ZC3H12D: variants seen among roughly 807,000 people sequenced by gnomAD.
ZC3H12D encodes the protein probable ribonuclease ZC3H12D.
Under a neutral mutation model 24.2 loss-of-function variants are expected in ZC3H12D, and 11 were observed. That is an observed-to-expected ratio of 0.46 (90% CI 0.29 to 0.75). The LOEUF is 0.75. Among genes scored for constraint, ZC3H12D ranks in the 30% least tolerant of loss-of-function variants. ZC3H12D has a pLI of 0.11. For synonymous variants in ZC3H12D, 333 were observed against 341.8 expected (o/e 0.97, Z 0.28); for missense variants, 740 against 767.7 (o/e 0.96, Z 0.43).
rs1189920889 is a variant in ZC3H12D at position 149,458,128 on chromosome 6, C to CTTTTTTTTTTTTTTTTTTTTTTTTTTTT, written c.446-1229_446-1228insAAAAAAAAAAAAAAAAAAAAAAAAAAAA. Among the ~76,000 whole-genome samples the CTTTTTTTTTTTTTTTTTTTTTTTTTTTT allele has an allele frequency of 6.0e-4, 24 of 39,752 alleles. 2 individuals carry two copies. The highest frequency in any genetic ancestry group is 1.5e-3 in the East Asian group (2 of 1,314). 26.1% of individuals were successfully genotyped at this position (39,752 alleles called of 152,430 possible). ...TTCTTTTTCTTTTTTTTTTTCGTTT[C>CTTTTTTTTTTTTTTTTTTTTTTTTTTTT]TTTTTTTTTTTTTTTTTTTTTTTTT... On this transcript the variant is annotated intron_variant, in intron 3 of 5. Transcript: ENST00000409806.
At chr6:149,458,562 A>T (rs1172964335) in intron 3 of ZC3H12D, among the ~76,000 whole-genome samples, 1 of 152,172 alleles carries the variant, frequency 6.6e-6, no homozygotes, top group Non-Finnish European at 1.5e-5. Flanking sequence ...CCATATGTTC[A>T]TCACTATTAG....
rs1392093696 is a variant in ZC3H12D, at chr6:149,451,423, G to C, written c.844C>G (p.His282Asp). ...TCGTCGGCCACCGCCAGTTGCGCGTGGTGCGGCCTCTCCGGGTGGTAGAAC... is the reference window on the plus strand; with the variant it reads ...TCGTCGGCCACCGCCAGTTGCGCGTCGTGCGGCCTCTCCGGGTGGTAGAAC... ...CKFYHPERPH[H>D]AQLAVADELR... is the part of the protein sequence containing the mutation. The change falls in exon 6 of 6, where the codon CAC becomes GAC. Residue 282 changes from histidine to aspartate, a missense_variant. By Grantham distance (81) the His-to-Asp change is moderately conservative. Coordinates refer to ENST00000409806, the MANE Select transcript of ZC3H12D (RefSeq NM_207360.3). 4 of 1,574,826 alleles carry C rather than the reference G, an allele frequency of 2.5e-6. No homozygotes were observed. The highest frequency in any genetic ancestry group is 3.4e-6 in the Non-Finnish European group (4 of 1,170,276).
chr6:149,465,657 A>G (rs1776146469), intron 2 of ZC3H12D, among the ~76,000 whole-genome samples: 1 of 151,120 alleles, frequency 6.6e-6, no homozygotes, highest in African/African-American at 2.4e-5. Context: ...CGGGAGGCTG[A>G]GGCAGGAGAA....
intron 3 of ZC3H12D, among the ~76,000 whole-genome samples, chr6:149,457,758 T>C (rs1776007088): frequency 6.6e-6 from 1 of 152,120 alleles, no homozygotes; most frequent in Non-Finnish European, 1.5e-5. Flanking sequence ...TTGATCTGGA[T>C]TTTGCCTTTG....
In ZC3H12D at chr6:149,450,465, G is replaced by A. The variant is rs903995405; in HGVS notation, c.*218C>T. Reference sequence around the variant, plus strand: ...ATCATTCCCTCCACGGAAGTGGGTGGACCTCCCCGCAGCAGGCCCCGGCCT... The same window carrying A: ...ATCATTCCCTCCACGGAAGTGGGTGAACCTCCCCGCAGCAGGCCCCGGCCT... On this transcript the variant is annotated 3_prime_UTR_variant, in exon 6 of 6. Transcript: ENST00000409806. The A allele has an allele frequency of 2.4e-5, 13 of 531,920 alleles. No homozygotes were observed. Among genetic ancestry groups the A allele is most frequent in the East Asian group, 1.3e-4 (4 of 31,830 alleles). The allele number at this position is 531,920 out of a possible 1,614,324, so 33.0% of individuals were successfully genotyped here.
chr6:149,483,967 A>AC (rs1776463235), intron 1 of ZC3H12D, among the ~76,000 whole-genome samples: 1 of 152,182 alleles, frequency 6.6e-6, no homozygotes, highest in African/African-American at 2.4e-5. Context: ...GCCTCTGTGA[A>AC]CGATGTTGCT....
chr6:149,462,396 A>AACAAAAC (rs3056032), intron 2 of ZC3H12D, among the ~76,000 whole-genome samples: 1 of 151,126 alleles, frequency 6.6e-6, no homozygotes. Flanking sequence ...AACAAAACAA[A>AACAAAAC]AAAAAACCAC....
At chr6:149,464,549 C>T (rs538132350) in intron 2 of ZC3H12D, among the ~76,000 whole-genome samples, 2 of 152,186 alleles carry the variant, frequency 1.3e-5, no homozygotes, top group Non-Finnish European at 2.9e-5. Context: ...TGCACCCTCC[C>T]GCTCCTTCCT....
intron 4 of ZC3H12D, among the ~76,000 whole-genome samples, chr6:149,454,735 G>A (rs1228597837): frequency 1.3e-5 from 2 of 152,256 alleles, no homozygotes; most frequent in African/African-American, 2.4e-5. Flanking sequence ...GCTGTCATCA[G>A]GCCAGAGATG....
intron 1 of ZC3H12D, among the ~76,000 whole-genome samples, chr6:149,477,946 A>T (rs962408493): frequency 3.9e-5 from 6 of 152,000 alleles, no homozygotes; most frequent in African/African-American, 1.5e-4. Flanking sequence ...AGGCGGGCGG[A>T]TCACGAGGTC....
rs1775835511 is a variant in ZC3H12D at position 149,449,113 on chromosome 6, C to A, written c.*1570G>T. 1 of 152,218 alleles carries A rather than the reference C, an allele frequency of 6.6e-6. No individual in the cohort carries two copies. The highest frequency in any genetic ancestry group is 2.1e-4 in the South Asian group (1 of 4,834). The allele number at this position is 152,218 out of a possible 1,614,324, so 9.4% of individuals were successfully genotyped here. On this transcript the variant is annotated 3_prime_UTR_variant, in exon 6 of 6. Transcript: ENST00000409806. ...TTCGGGGGTCGGCACTCTGGCAGCACCATCTCACTTCTTAGCCATTGCAAA... is the reference window on the plus strand; with the variant it reads ...TTCGGGGGTCGGCACTCTGGCAGCAACATCTCACTTCTTAGCCATTGCAAA...
At chr6:149,455,914 A>G (rs1160056350) in intron 4 of ZC3H12D, among the ~76,000 whole-genome samples, 1 of 150,834 alleles carries the variant, frequency 6.6e-6, no homozygotes. Context: ...AAAAAAAAAA[A>G]TCTGTTGCCT....
rs866666629 is a variant in ZC3H12D at position 149,463,512 on chromosome 6, C to A, written c.306-1542G>T. Among the ~76,000 whole-genome samples the A allele has an allele frequency of 7.2e-5, 11 of 152,272 alleles. No individual in the cohort carries two copies. The South Asian group carries it at 1.0e-3, about 14-fold the overall frequency. On this transcript the variant is annotated intron_variant, in intron 2 of 5. Coordinates refer to ENST00000409806, the MANE Select transcript of ZC3H12D (RefSeq NM_207360.3). Reference sequence around the variant, plus strand: ...GATCATGAGGTCAGGAGATCAAGACCATCCTGGCCAACATGGTGAAACCCT... The same window carrying A: ...GATCATGAGGTCAGGAGATCAAGACAATCCTGGCCAACATGGTGAAACCCT...
At position 149,452,089 on chromosome 6, in the gene ZC3H12D, C is replaced by G. The variant is rs1000503404; in HGVS notation, c.787+527G>C. 1 of 153,662 alleles carries G rather than the reference C, an allele frequency of 6.5e-6. No individual in the cohort carries two copies. Among genetic ancestry groups the G allele is most frequent in the African/African-American group, 2.4e-5 (1 of 41,488 alleles). 9.5% of individuals were successfully genotyped at this position (153,662 alleles called of 1,614,324 possible). A position where few individuals can be genotyped will look rare whatever the true frequency, so the allele number is the denominator to read the frequency against. ...TGTATGTATGGTCACCTAATTCTAA[C>G]AAGAAATGATTGACTGTCACCCAAG... is the stretch of plus-strand genomic sequence containing the variant. On this transcript the variant is annotated intron_variant, in intron 5 of 5. Coordinates refer to ENST00000409806, the MANE Select transcript of ZC3H12D (RefSeq NM_207360.3). The surrounding 1 kb of genome is among the most constrained non-coding windows in gnomAD (Gnocchi z 4.0).
Position 149,456,623 on chromosome 6 carries a change from G to GGGGGCAGGCC in ZC3H12D, c.680+42_680+43insGGCCTGCCCC. The GGGGGCAGGCC allele has an allele frequency of 1.3e-6, 1 of 744,588 alleles. No individual in the cohort carries two copies. 46.1% of individuals were successfully genotyped at this position (744,588 alleles called of 1,614,324 possible). A position where few individuals can be genotyped will look rare whatever the true frequency, so the allele number is the denominator to read the frequency against. On this transcript the variant is annotated intron_variant, in intron 4 of 5. Transcript: ENST00000409806. This position sits in a 1 kb window ranked among gnomAD's most constrained non-coding sequence, Gnocchi z 4.3. ...GCCACTGCCTCGACCCCGGCCCCCC[G>GGGGGCAGGCC]CCCCGCCGCCCCCCAGGGTGTCAGG...
chr6:149,455,944 A>G (rs1345776359), intron 4 of ZC3H12D, among the ~76,000 whole-genome samples: 1 of 135,334 alleles, frequency 7.4e-6, no homozygotes, highest in East Asian at 2.0e-4. Flanking sequence ...TGTAATTCAA[A>G]ATTTTGATTT....
At chr6:149,461,731 C>G (rs1776075405) in intron 3 of ZC3H12D, 100 bp downstream of exon 3, 2 of 1,322,522 alleles carry the variant, frequency 1.5e-6, no homozygotes, top group East Asian at 2.6e-5. Context: ...AGACAAATAT[C>G]ATTAAACAAA....
chr6:149,458,119 T>TTA (rs1205358023), intron 3 of ZC3H12D, among the ~76,000 whole-genome samples: 1 of 128,082 alleles, frequency 7.8e-6, no homozygotes, highest in African/African-American at 4.3e-5. Context: ...TTCTTTTTTT[T>TTA]TTTCGTTTCT....
intron 2 of ZC3H12D, among the ~76,000 whole-genome samples, chr6:149,464,920 G>A (rs965455811): frequency 1.3e-5 from 2 of 152,168 alleles, no homozygotes; most frequent in Admixed American, 1.3e-4. Flanking sequence ...GGGCCACTAC[G>A]CCACTCGTGC....
Sources: gnomAD v4.1 joint callset for allele counts (sites outside exome capture counted in the v4.1 genomes callset) on GRCh38, gnomAD v4.1.1 for gene constraint, Gnocchi (gnomAD v3.1) non-coding constraint, MANE v1.5 for transcripts, NCBI Gene and HGNC (gene_info 2026-07-23, HGNC 2026-07-21) for gene names.